GLI3: variants seen among roughly 807,000 people sequenced by gnomAD.
The protein encoded by GLI3 is transcription activator GLI3.
Under a neutral mutation model 100.8 loss-of-function variants are expected in GLI3, and 20 were observed. The observed-to-expected ratio is 0.20, with a 90% CI of 0.14 to 0.29. The LOEUF is 0.29. Among genes scored for constraint, GLI3 ranks in the 10% least tolerant of loss-of-function variants. The pLI, the probability that GLI3 is intolerant of heterozygous loss-of-function variation, is 1.00. For synonymous variants in GLI3, 938 were observed against 860.5 expected (o/e 1.09, Z -1.58); for missense variants, 2,040 against 2,128.5 (o/e 0.96, Z 0.82).
chr7:42,258,882 GCCCATAGCATTATCTTT>G (rs1335588229), intron 1 of GLI3, among the ~76,000 whole-genome samples: 1 of 152,174 alleles, frequency 6.6e-6, no homozygotes. Flanking sequence ...CAAACTTTTG[GCCCATAGCATTATCTTT>G]CCTGATTGGC....
At chr7:42,121,787 C>T (rs1562741990) in intron 3 of GLI3, among the ~76,000 whole-genome samples, 1 of 152,178 alleles carries the variant, frequency 6.6e-6, no homozygotes, top group Non-Finnish European at 1.5e-5. Flanking sequence ...ATACCAGCTG[C>T]TATTGTTTTA....
At chr7:42,186,210 A>G (rs55784884) in intron 2 of GLI3, among the ~76,000 whole-genome samples, 22,046 of 152,184 alleles carry the variant, frequency 0.14, 2,087 homozygotes, top group Non-Finnish European at 0.22. Context: ...ATAATTTCAT[A>G]TTCCTCCTTC....
intron 5 of GLI3, among the ~76,000 whole-genome samples, chr7:42,046,936 G>A (rs1456774573): frequency 3.3e-5 from 5 of 152,118 alleles, no homozygotes; most frequent in East Asian, 1.9e-4. Flanking sequence ...TGGGTAGATC[G>A]CTTGAGCTCA....
intron 1 of GLI3, among the ~76,000 whole-genome samples, chr7:42,261,398 TGA>T (rs1789138666): frequency 6.6e-6 from 1 of 151,820 alleles, no homozygotes; most frequent in Non-Finnish European, 1.5e-5. Context: ...CATTTCAACA[TGA>T]GAGCTGGGCA....
chr7:42,211,698 T>A (rs765237525), intron 2 of GLI3, among the ~76,000 whole-genome samples: 20 of 152,214 alleles, frequency 1.3e-4, no homozygotes, highest in South Asian at 2.1e-4. Context: ...AAGGGGAGTC[T>A]TCGACATTAA....
chr7:42,001,925 T>C (rs1788305545), intron 10 of GLI3, among the ~76,000 whole-genome samples: 1 of 152,190 alleles, frequency 6.6e-6, no homozygotes, highest in Non-Finnish European at 1.5e-5. Flanking sequence ...AGGAGTGATA[T>C]TTATTTTTCC....
rs189615003 is a variant in GLI3 at position 42,094,454 on chromosome 7, A to T, written c.368-17597T>A. Among the ~76,000 whole-genome samples, 159 of 150,176 alleles carry T rather than the reference A, an allele frequency of 1.1e-3. 2 individuals carry two copies. The highest frequency in any genetic ancestry group is 3.3e-3 in the Admixed American group (49 of 15,076). ...CCCGTCTCTACTAAAAATACAAAAA[A>T]TTAGGGCATGGTGGTGGGCGCCTGT... is the stretch of plus-strand genomic sequence containing the variant. On this transcript the variant is annotated intron_variant, in intron 3 of 14. Transcript: ENST00000395925.
At chr7:42,243,987 C>G (rs746676751) in intron 1 of GLI3, among the ~76,000 whole-genome samples, 102 of 152,154 alleles carry the variant, frequency 6.7e-4, no homozygotes, top group Non-Finnish European at 2.4e-4. Flanking sequence ...GCACGTGCCA[C>G]CACACCCAGC....
chr7:42,027,881 A>G (rs570541495), intron 7 of GLI3, among the ~76,000 whole-genome samples: 196 of 152,318 alleles, frequency 1.3e-3, no homozygotes, highest in African/African-American at 4.7e-3. Context: ...CCGTTTCTGC[A>G]GCGTTATAGT....
chr7:42,068,378 TA>T, intron 4 of GLI3, among the ~76,000 whole-genome samples: 1 of 152,348 alleles, frequency 6.6e-6, no homozygotes, highest in East Asian at 1.9e-4. Flanking sequence ...GCCAAGATTG[TA>T]TTTTTCAAAT....
intron 2 of GLI3, among the ~76,000 whole-genome samples, chr7:42,171,504 A>G (rs1174754804): frequency 6.6e-6 from 1 of 152,244 alleles, no homozygotes; most frequent in African/African-American, 2.4e-5. Context: ...TAGTGAAATA[A>G]GGCTAATATT....
intron 10 of GLI3, among the ~76,000 whole-genome samples, chr7:42,009,032 GGCTGGGAGCCCAGC>G (rs1788536376): frequency 6.6e-6 from 1 of 152,068 alleles, no homozygotes; most frequent in Non-Finnish European, 1.5e-5. Flanking sequence ...TGCAGACCAG[GGCTGGGAGCCCAGC>G]CCAGCAGCAC....
intron 2 of GLI3, among the ~76,000 whole-genome samples, chr7:42,206,045 A>G (rs1428333657): frequency 6.6e-6 from 1 of 152,144 alleles, no homozygotes; most frequent in Non-Finnish European, 1.5e-5. Context: ...AGGCTGGTGG[A>G]TCATCTGAGG....
At chr7:42,076,401 T>C (rs1235644450) in intron 4 of GLI3, among the ~76,000 whole-genome samples, 1 of 152,222 alleles carries the variant, frequency 6.6e-6, no homozygotes, top group Non-Finnish European at 1.5e-5. Flanking sequence ...TTACAGAAAT[T>C]TGAACATAAC....
chr7:42,048,663 C>G lies in GLI3; in HGVS notation c.507G>C (p.Pro169=). Residue 169 remains proline (P), a synonymous_variant, in exon 5 of 15, where the codon CCG becomes CCC. Coordinates refer to ENST00000395925, the MANE Select transcript of GLI3 (RefSeq NM_000168.6). ...TSALSSSPTY[P]DLPFIRISPH... Reference sequence around the variant, plus strand: ...GGGAGATCCTAATGAAGGGCAGGTCCGGATACGTAGGGCTACTAGATAAGG... The same window carrying G: ...GGGAGATCCTAATGAAGGGCAGGTCGGGATACGTAGGGCTACTAGATAAGG... 1.9e-6 allele frequency: 3 copies of G among 1,609,576 alleles called. No homozygotes were observed. The South Asian group carries it at 3.3e-5, about 18-fold the overall frequency.
chr7:42,243,479 C>G (rs1165899553), intron 1 of GLI3, among the ~76,000 whole-genome samples: 17 of 152,180 alleles, frequency 1.1e-4, no homozygotes, highest in Admixed American at 1.1e-3. Flanking sequence ...TAAAAGAGAA[C>G]AGGCCTGGAT....
intron 4 of GLI3, among the ~76,000 whole-genome samples, chr7:42,067,152 T>A (rs1398532437): frequency 6.6e-6 from 1 of 152,188 alleles, no homozygotes; most frequent in East Asian, 1.9e-4. Flanking sequence ...CCCTGGCAAA[T>A]AACATATGAA....
intron 3 of GLI3, among the ~76,000 whole-genome samples, chr7:42,108,444 C>T (rs981468743): frequency 8.5e-5 from 13 of 152,154 alleles, no homozygotes; most frequent in African/African-American, 3.1e-4. Flanking sequence ...TGGCACTCAG[C>T]TTGGTGAGCT....
chr7:41,965,662 G>A lies in GLI3; in HGVS notation c.3411C>T (p.Ser1137=). The A allele has an allele frequency of 6.2e-7, 1 of 1,612,778 alleles. No homozygotes were observed. The highest frequency in any genetic ancestry group is 8.5e-7 in the Non-Finnish European group (1 of 1,179,140). ...GGGCATGGAACTGCTGGCCAGCGTG[G>A]CTGTCTGGCAGCCCGGGCGCGTCAA... ...GDFDAPGLPD[S]HAGQQFHALE... is the part of the protein sequence containing the mutation. Residue 1137 remains serine (S), a synonymous_variant, in exon 15 of 15, where the codon AGC becomes AGT. Transcript: ENST00000395925.
Sources: gnomAD v4.1 joint callset for allele counts (sites outside exome capture counted in the v4.1 genomes callset) on GRCh38, gnomAD v4.1.1 for gene constraint, MANE v1.5 for transcripts, NCBI Gene and HGNC (gene_info 2026-07-23, HGNC 2026-07-21) for gene names.